The following NLGN4X variants were observed in gnomAD, a reference collection of about 807,000 sequenced individuals.
The protein encoded by NLGN4X is neuroligin-4, X-linked.
NLGN4X carries 3 observed loss-of-function variants against 40.3 expected under a neutral mutation model. That is an observed-to-expected ratio of 0.07 (90% confidence interval 0.03 to 0.19). The LOEUF is 0.19. Ranked by LOEUF, NLGN4X falls within the 10% of genes least tolerant of loss-of-function variation. The probability of loss-of-function intolerance (pLI) is 1.00; values close to 1 mark genes in which losing one functional copy is unlikely to be tolerated. For synonymous variants in NLGN4X, 270 were observed against 306.8 expected (o/e 0.88, Z 1.25); for missense variants, 382 against 708.3 (o/e 0.54, Z 5.23).
intron 2 of NLGN4X, among the ~76,000 whole-genome samples, chrX:6,126,068 T>C (rs1336806364): frequency 9.0e-6 from 1 of 111,313 alleles, no homozygotes; most frequent in East Asian, 2.8e-4. Flanking sequence ...TCAGAGCACA[T>C]TAATTATAAG....
At chrX:5,910,763 A>G (rs1253688728) in intron 3 of NLGN4X, among the ~76,000 whole-genome samples, 1 of 111,489 alleles carries the variant, frequency 9.0e-6, no homozygotes, top group Non-Finnish European at 1.9e-5. Context: ...TTCAACAATG[A>G]CAATAAAAAC....
intron 3 of NLGN4X, among the ~76,000 whole-genome samples, chrX:5,921,133 T>TATATATATATATACATATATATATATATA: frequency 1.5e-5 from 1 of 65,015 alleles, no homozygotes; most frequent in African/African-American, 6.7e-5. Context: ...TAAGTATTTT[T>TATATATATATATACATATATATATATATA]TATATATATA....
intron 5 of NLGN4X, among the ~76,000 whole-genome samples, chrX:5,901,738 CTAGT>C (rs1264179298): frequency 9.3e-6 from 1 of 107,855 alleles, no homozygotes; most frequent in African/African-American, 3.4e-5. Flanking sequence ...TTTTCTCTCT[CTAGT>C]TATTTATATA....
chrX:6,054,907 C>T (rs1471180598), intron 2 of NLGN4X, among the ~76,000 whole-genome samples: 4 of 112,043 alleles, frequency 3.6e-5, no homozygotes, highest in Non-Finnish European at 5.6e-5. Context: ...CCGCCCTCCT[C>T]GGCCTCCCAA....
intron 1 of NLGN4X, among the ~76,000 whole-genome samples, chrX:6,199,324 C>T (rs1361852832): frequency 9.0e-6 from 1 of 111,438 alleles, no homozygotes; most frequent in East Asian, 2.8e-4. Flanking sequence ...TTTCTCAACA[C>T]AACATTCATC....
chrX:5,916,566 C>T (rs1180514500), intron 3 of NLGN4X, among the ~76,000 whole-genome samples: 1 of 111,522 alleles, frequency 9.0e-6, no homozygotes, highest in Non-Finnish European at 1.9e-5. Flanking sequence ...TCTCCTGCCT[C>T]AGCCCACCAA....
intron 2 of NLGN4X, among the ~76,000 whole-genome samples, chrX:6,102,616 A>AAGAGAG (rs10699626): frequency 2.8e-5 from 3 of 106,393 alleles, no homozygotes; most frequent in South Asian, 4.1e-4. Flanking sequence ...TTGCTGAACT[A>AAGAGAG]AGAGAGAGAG....
intron 3 of NLGN4X, among the ~76,000 whole-genome samples, chrX:5,921,133 TTA>T (rs768542616): frequency 1.5e-5 from 1 of 65,005 alleles, no homozygotes; most frequent in Admixed American, 1.9e-4. Context: ...TAAGTATTTT[TTA>T]TATATATATA....
chrX:6,057,661 C>A (rs2037666428), intron 2 of NLGN4X, among the ~76,000 whole-genome samples: 1 of 112,013 alleles, frequency 8.9e-6, no homozygotes, highest in African/African-American at 3.2e-5. Context: ...GTCATTGTTA[C>A]AGACAATTAG....
intron 3 of NLGN4X, among the ~76,000 whole-genome samples, chrX:5,998,189 CA>C (rs1441757261): frequency 2.7e-5 from 3 of 110,531 alleles, no homozygotes; most frequent in Non-Finnish European, 5.7e-5. Flanking sequence ...GCGGGTGGAT[CA>C]CCTGAAGTCA....
chrX:5,936,196 A>C (rs1387612428), intron 3 of NLGN4X, among the ~76,000 whole-genome samples: 1 of 112,197 alleles, frequency 8.9e-6, no homozygotes, highest in South Asian at 3.7e-4. Context: ...GAGGTATAAA[A>C]AAATGATACA....
intron 3 of NLGN4X, among the ~76,000 whole-genome samples, chrX:5,935,290 T>C (rs1427479571): frequency 1.8e-5 from 2 of 112,566 alleles, no homozygotes; most frequent in Non-Finnish European, 3.8e-5. Context: ...TATGATTGTA[T>C]GTTATCAAAT....
intron 3 of NLGN4X, among the ~76,000 whole-genome samples, chrX:6,024,281 G>GT (rs767206098): frequency 8.9e-6 from 1 of 111,793 alleles, no homozygotes; most frequent in East Asian, 2.8e-4. Context: ...GCCCTGGCAC[G>GT]TACAGCTCAG....
At chrX:6,161,877 T>G (rs1159208262) in intron 1 of NLGN4X, among the ~76,000 whole-genome samples, 3 of 111,569 alleles carry the variant, frequency 2.7e-5, no homozygotes, top group Non-Finnish European at 3.8e-5. Flanking sequence ...ACATTAAAAC[T>G]TATTTTATCC....
intron 2 of NLGN4X, among the ~76,000 whole-genome samples, chrX:6,060,564 G>A (rs2037744081): frequency 8.9e-6 from 1 of 111,813 alleles, no homozygotes; most frequent in Non-Finnish European, 1.9e-5. Flanking sequence ...AAATTTCTCT[G>A]ATGAATTCCC....
At chrX:6,055,220 C>T (rs1379186563) in intron 2 of NLGN4X, among the ~76,000 whole-genome samples, 2 of 111,886 alleles carry the variant, frequency 1.8e-5, no homozygotes, top group South Asian at 3.7e-4. Flanking sequence ...TGGGGCTGGG[C>T]GAGGTGGCTC....
intron 2 of NLGN4X, among the ~76,000 whole-genome samples, chrX:6,035,149 A>C (rs2036969806): frequency 8.9e-6 from 1 of 112,211 alleles, no homozygotes; most frequent in Admixed American, 9.5e-5. Context: ...TTATTATTGA[A>C]TAGTAAGTGG....
intron 1 of NLGN4X, among the ~76,000 whole-genome samples, chrX:6,160,800 C>T (rs927091700): frequency 6.4e-4 from 69 of 108,345 alleles, no homozygotes; most frequent in African/African-American, 2.3e-3. Flanking sequence ...GGATTACAGG[C>T]GTGAGCCAAC....
chrX:6,164,401 A>G (rs1400110509), intron 1 of NLGN4X, among the ~76,000 whole-genome samples: 1 of 112,228 alleles, frequency 8.9e-6, no homozygotes, highest in African/African-American at 3.2e-5. Flanking sequence ...TACAAAGGAA[A>G]ACTGTCAGTT....
Sources: gnomAD v4.1 joint callset for allele counts (sites outside exome capture counted in the v4.1 genomes callset) on GRCh38, gnomAD v4.1.1 for gene constraint, MANE v1.5 for transcripts, NCBI Gene and HGNC (gene_info 2026-07-23, HGNC 2026-07-21) for gene names.